Variants in STK32B observed in about 807,000 individuals in gnomAD.
The protein encoded by STK32B is serine/threonine-protein kinase 32B.
In STK32B, 43 loss-of-function variants were observed where a neutral mutation model predicts 52.6. That is an observed-to-expected ratio of 0.82 (90% CI 0.64 to 1.05). STK32B has a LOEUF of 1.05. Ranked by LOEUF, STK32B falls within the 50% of genes least tolerant of loss-of-function variation. STK32B has a pLI of 0.00. For synonymous variants in STK32B, 238 were observed against 204.3 expected (o/e 1.17, Z -1.41); for missense variants, 621 against 534.6 (o/e 1.16, Z -1.59).
chr4:5,483,557 T>C (rs1001712570), intron 11 of STK32B, among the ~76,000 whole-genome samples: 1 of 152,166 alleles, frequency 6.6e-6, no homozygotes, highest in Non-Finnish European at 1.5e-5. Flanking sequence ...TTCATTGATT[T>C]TTTGAAGGTT....
intron 3 of STK32B, among the ~76,000 whole-genome samples, chr4:5,326,701 C>T (rs1295237488): frequency 1.3e-5 from 2 of 152,210 alleles, no homozygotes; most frequent in Non-Finnish European, 2.9e-5. Flanking sequence ...CAACAAGTCA[C>T]AGTCTTTTTG....
At chr4:5,224,204 G>A (rs1021350699) in intron 3 of STK32B, among the ~76,000 whole-genome samples, 2 of 152,206 alleles carry the variant, frequency 1.3e-5, no homozygotes, top group African/African-American at 4.8e-5. Context: ...GAATTTTGGA[G>A]TCCCAGGGGA....
chr4:5,100,324 TCTCC>T (rs1288840756), intron 1 of STK32B, among the ~76,000 whole-genome samples: 4 of 141,070 alleles, frequency 2.8e-5, no homozygotes, highest in East Asian at 4.7e-4. Flanking sequence ...CTCCCTCCCT[TCTCC>T]CTCCCTCCCT....
chr4:5,310,904 A>G (rs1730252210), intron 3 of STK32B, among the ~76,000 whole-genome samples: 1 of 152,202 alleles, frequency 6.6e-6, no homozygotes, highest in African/African-American at 2.4e-5. Context: ...GATGAGCTTG[A>G]TGAACATTAT....
chr4:5,429,621 T>TAA lies in STK32B; in HGVS notation c.562+12695_562+12696dup, dbSNP rs901341118. Among the ~76,000 whole-genome samples, 132 of 151,690 alleles carry TAA rather than the reference T, an allele frequency of 8.7e-4. 1 individual carries two copies. The highest frequency in any genetic ancestry group is 3.1e-3 in the African/African-American group (130 of 41,440). On this transcript the variant is annotated intron_variant, in intron 6 of 11. Transcript: ENST00000282908. ...AATTATATTTTGCAGTGGTTAAAAA[T>TAA]AAAAAAAAACTTTGCATTTACCTTC...
chr4:5,100,664 CTT>C (rs1181854360), intron 1 of STK32B, among the ~76,000 whole-genome samples: 2 of 57,284 alleles, frequency 3.5e-5, no homozygotes, highest in Admixed American at 2.2e-4. Context: ...CTCTTTCATT[CTT>C]TCTTTCTTTC....
intron 8 of STK32B, among the ~76,000 whole-genome samples, chr4:5,457,934 G>A (rs926256831): frequency 2.7e-5 from 4 of 147,020 alleles, no homozygotes; most frequent in Admixed American, 1.4e-4. Flanking sequence ...GAAGGAGGGA[G>A]GGAGGGAAGG....
intron 3 of STK32B, among the ~76,000 whole-genome samples, chr4:5,308,524 G>A (rs1461399910): frequency 6.6e-6 from 1 of 152,174 alleles, no homozygotes; most frequent in East Asian, 1.9e-4. Flanking sequence ...AGGAGTAAGT[G>A]TGTGGTATGT....
chr4:5,334,385 A>G (rs200872581), intron 4 of STK32B, among the ~76,000 whole-genome samples: 7,098 of 151,800 alleles, frequency 0.047, 88 homozygotes, highest in South Asian at 0.072. Flanking sequence ...GGGCTGAGAC[A>G]ATGGGGTTTT....
At chr4:5,392,737 G>C (rs1041133794) in intron 4 of STK32B, among the ~76,000 whole-genome samples, 1 of 152,166 alleles carries the variant, frequency 6.6e-6, no homozygotes, top group African/African-American at 2.4e-5. Context: ...GTTGTGTCAA[G>C]ATAATGACAT....
At chr4:5,334,957 G>T (rs1278838866) in intron 4 of STK32B, among the ~76,000 whole-genome samples, 6 of 151,950 alleles carry the variant, frequency 3.9e-5, no homozygotes, top group Non-Finnish European at 8.8e-5. Flanking sequence ...TTGTGTCTCT[G>T]CCAGGCTTTG....
intron 4 of STK32B, among the ~76,000 whole-genome samples, chr4:5,340,819 C>CAT (rs1362567216): frequency 2.0e-5 from 3 of 152,224 alleles, no homozygotes; most frequent in Non-Finnish European, 2.9e-5. Flanking sequence ...TGTATGTACA[C>CAT]ATATATATAA....
chr4:5,412,439 T>C (rs147401019), intron 5 of STK32B, among the ~76,000 whole-genome samples: 2 of 152,294 alleles, frequency 1.3e-5, no homozygotes, highest in Non-Finnish European at 2.9e-5. Flanking sequence ...TCCTGCTGTC[T>C]GTCGTGCAGG....
At chr4:5,081,073 C>A (rs1272247358) in intron 1 of STK32B, among the ~76,000 whole-genome samples, 1 of 152,190 alleles carries the variant, frequency 6.6e-6, no homozygotes, top group Non-Finnish European at 1.5e-5. Context: ...GTCTGGCTTA[C>A]TGCATTTAGC....
At chr4:5,120,095 C>T in intron 1 of STK32B, among the ~76,000 whole-genome samples, 1 of 152,156 alleles carries the variant, frequency 6.6e-6, no homozygotes, top group East Asian at 1.9e-4. Context: ...TCATGCTGTC[C>T]TGCTCAGTTC....
In STK32B at chr4:5,313,634, GGAACTAAGAA is replaced by G. The variant is rs1730464315; in HGVS notation, c.261-17584_261-17575del. ...GAATTTATTAAAATTAAAATATCCT[GGAACTAAGAA>G]GTACATATGTGTATGTGCGTGTGTG... On this transcript the variant is annotated intron_variant, in intron 3 of 11. Coordinates refer to ENST00000282908, the MANE Select transcript of STK32B (RefSeq NM_018401.3). Among the ~76,000 whole-genome samples, 7 of 152,152 alleles carry G rather than the reference GGAACTAAGAA, an allele frequency of 4.6e-5. No homozygotes were observed. The South Asian group carries it at 1.5e-3, about 32-fold the overall frequency.
chr4:5,410,025 G>A (rs1337188223), intron 5 of STK32B, among the ~76,000 whole-genome samples: 3 of 152,008 alleles, frequency 2.0e-5, no homozygotes, highest in African/African-American at 7.2e-5. Flanking sequence ...CCATTGTCCT[G>A]TGATAAGTTT....
intron 3 of STK32B, among the ~76,000 whole-genome samples, chr4:5,224,030 T>A (rs1234692234): frequency 6.6e-6 from 1 of 152,150 alleles, no homozygotes; most frequent in Non-Finnish European, 1.5e-5. Context: ...CAGAGGAGAA[T>A]TTGCTTCAGA....
chr4:5,385,444 G>A (rs969107164), intron 4 of STK32B, among the ~76,000 whole-genome samples: 4 of 148,128 alleles, frequency 2.7e-5, no homozygotes, highest in African/African-American at 9.9e-5. Context: ...GGTTGTGAGT[G>A]TTGGAGGGAG....
Sources: gnomAD v4.1 joint callset for allele counts (sites outside exome capture counted in the v4.1 genomes callset) on GRCh38, gnomAD v4.1.1 for gene constraint, MANE v1.5 for transcripts, NCBI Gene and HGNC (gene_info 2026-07-23, HGNC 2026-07-21) for gene names.